KLHL29: variants seen among roughly 807,000 people sequenced by gnomAD.
The protein encoded by KLHL29 is kelch-like protein 29.
A neutral mutation model predicts 80.4 loss-of-function variants in KLHL29; 21 were observed. The ratio of observed to expected loss-of-function variants is 0.26; its 90% confidence interval spans 0.19 to 0.38. The LOEUF (loss-of-function observed/expected upper bound fraction) is 0.38. KLHL29 is among the 10% of genes least tolerant of loss of function. KLHL29 has a pLI of 1.00. For missense variants in KLHL29, 867 were observed against 1,223.9 expected (o/e 0.71, Z 4.35); for synonymous variants, 511 against 526.8 (o/e 0.97, Z 0.41).
chr2:23,390,952 T>A (rs1285930923), intron 1 of KLHL29, among the ~76,000 whole-genome samples: 1 of 152,188 alleles, frequency 6.6e-6, no homozygotes, highest in East Asian at 1.9e-4. Flanking sequence ...CCTTTACCAT[T>A]TTTAACTGTG....
At chr2:23,679,115 G>A (rs1457936771) in intron 5 of KLHL29, among the ~76,000 whole-genome samples, 1 of 151,786 alleles carries the variant, frequency 6.6e-6, no homozygotes, top group Non-Finnish European at 1.5e-5. Context: ...CACAGGGAAA[G>A]TTCCCTGAGC....
intron 1 of KLHL29, among the ~76,000 whole-genome samples, chr2:23,420,907 C>T (rs1376700922): frequency 6.6e-6 from 1 of 152,186 alleles, no homozygotes; most frequent in African/African-American, 2.4e-5. Context: ...ATCAATCTCA[C>T]ACCCTCCCAG....
chr2:23,559,985 C>T (rs1667408065), intron 2 of KLHL29, among the ~76,000 whole-genome samples: 1 of 152,236 alleles, frequency 6.6e-6, no homozygotes, highest in South Asian at 2.1e-4. Flanking sequence ...TTCCGGAAAG[C>T]AAGGAAGATC....
At chr2:23,535,788 G>A (rs887846876) in intron 2 of KLHL29, among the ~76,000 whole-genome samples, 18 of 152,210 alleles carry the variant, frequency 1.2e-4, no homozygotes, top group Admixed American at 7.9e-4. Context: ...TTAGTGGGCA[G>A]AGTTTCAGTT....
chr2:23,571,859 AAAAG>A lies in KLHL29; in HGVS notation c.285+9382_285+9385del, dbSNP rs1667724006. Among the ~76,000 whole-genome samples, 7 of 152,278 alleles carry A rather than the reference AAAAG, an allele frequency of 4.6e-5. 1 individual carries two copies. In the East Asian group the frequency reaches 1.3e-3, roughly 29 times the overall value. ...GCCAATACATTTTCTAGTTGTGTGA[AAAAG>A]AAATAAAAAACAACCGCCTCCATTG... is the stretch of plus-strand genomic sequence containing the variant. On this transcript the variant is annotated intron_variant, in intron 3 of 13. Transcript: ENST00000486442.
chr2:23,473,534 A>C (rs925437566), intron 1 of KLHL29, among the ~76,000 whole-genome samples: 1 of 152,130 alleles, frequency 6.6e-6, no homozygotes, highest in Non-Finnish European at 1.5e-5. Context: ...GGTAGGGACC[A>C]CAGAGATGGA....
intron 1 of KLHL29, among the ~76,000 whole-genome samples, chr2:23,459,946 T>C (rs1664165391): frequency 6.6e-6 from 1 of 152,058 alleles, no homozygotes; most frequent in African/African-American, 2.4e-5. Flanking sequence ...TTTCCAGAAG[T>C]TTCACCATGA....
At chr2:23,630,342 A>C (rs1391827260) in intron 3 of KLHL29, among the ~76,000 whole-genome samples, 5 of 152,280 alleles carry the variant, frequency 3.3e-5, no homozygotes, top group Admixed American at 3.3e-4. Flanking sequence ...GAGTCCATTT[A>C]TGGGTCTACT....
intron 3 of KLHL29, among the ~76,000 whole-genome samples, chr2:23,603,727 G>A (rs1668632237): frequency 6.6e-6 from 1 of 152,234 alleles, no homozygotes; most frequent in Admixed American, 6.5e-5. Context: ...CCAGCATTGT[G>A]TCCAGCCCTG....
Position 23,670,046 on chromosome 2 carries a change from C to T in KLHL29, c.941-14353C>T, listed in dbSNP as rs549641700. 2.8e-4 allele frequency: 43 copies of T among 152,240 alleles called. 1 individual carries two copies. The highest frequency in any genetic ancestry group is 9.4e-4 in the African/African-American group (39 of 41,540). 9.4% of individuals were successfully genotyped at this position (152,240 alleles called of 1,614,324 possible). ...GAGCCAGAAGGCCCCAGAGCATGGGCCGTGTGCCCAGTTAGGCCTCTCCTT... is the reference window on the plus strand; with the variant it reads ...GAGCCAGAAGGCCCCAGAGCATGGGTCGTGTGCCCAGTTAGGCCTCTCCTT... On this transcript the variant is annotated intron_variant, in intron 5 of 13. Coordinates refer to ENST00000486442, the MANE Select transcript of KLHL29 (RefSeq NM_052920.2).
intron 2 of KLHL29, among the ~76,000 whole-genome samples, chr2:23,550,816 A>G (rs532073845): frequency 3.3e-5 from 5 of 152,244 alleles, no homozygotes; most frequent in Non-Finnish European, 7.3e-5. Context: ...AGCTTGGGCC[A>G]CTGATGAACA....
intron 5 of KLHL29, among the ~76,000 whole-genome samples, chr2:23,683,188 A>G (rs949103919): frequency 6.6e-6 from 1 of 152,232 alleles, no homozygotes; most frequent in African/African-American, 2.4e-5. Context: ...TGTGGACAGC[A>G]ACAACCAATG....
intron 2 of KLHL29, among the ~76,000 whole-genome samples, chr2:23,536,918 A>ACACACACACACACACTCT (rs143009876): frequency 7.1e-5 from 10 of 140,650 alleles, no homozygotes; most frequent in African/African-American, 2.4e-4. Flanking sequence ...ACACACACAC[A>ACACACACACACACACTCT]CTCTCTCTCT....
chr2:23,468,568 A>C (rs2103433331), intron 1 of KLHL29, among the ~76,000 whole-genome samples: 1 of 152,264 alleles, frequency 6.6e-6, no homozygotes, highest in Middle Eastern at 3.4e-3. Flanking sequence ...GAGCATCAGC[A>C]GCTATATCTG....
intron 3 of KLHL29, among the ~76,000 whole-genome samples, 182 bp from the exon 4 acceptor site, chr2:23,638,957 C>A (rs1308441891): frequency 6.6e-6 from 1 of 152,184 alleles, no homozygotes; most frequent in African/African-American, 2.4e-5. Context: ...ATGGCAGAAC[C>A]CCCTGCAATT....
chr2:23,670,790 G>A (rs762001960), intron 5 of KLHL29, among the ~76,000 whole-genome samples: 4 of 151,956 alleles, frequency 2.6e-5, no homozygotes, highest in African/African-American at 4.8e-5. Flanking sequence ...ACCCGGGCCA[G>A]GTTGGGCAGG....
chr2:23,652,901 C>T (rs1192497362), intron 5 of KLHL29, among the ~76,000 whole-genome samples: 2 of 152,176 alleles, frequency 1.3e-5, no homozygotes, highest in Non-Finnish European at 2.9e-5. Flanking sequence ...TAGACACCCC[C>T]AGCCCCACCT....
chr2:23,661,312 A>T (rs943291513), intron 5 of KLHL29, among the ~76,000 whole-genome samples: 3 of 149,536 alleles, frequency 2.0e-5, no homozygotes, highest in Non-Finnish European at 4.4e-5. Flanking sequence ...ACTGCACTCC[A>T]GTCTGGGTGA....
At chr2:23,698,948 T>C (rs1284921961) in intron 11 of KLHL29, among the ~76,000 whole-genome samples, 5 of 152,250 alleles carry the variant, frequency 3.3e-5, no homozygotes, top group African/African-American at 9.6e-5. Context: ...CCCAGCTCCT[T>C]CTGCAGGAGC....
Sources: allele counts gnomAD v4.1 joint callset (sites outside exome capture counted in the v4.1 genomes callset), GRCh38; gene constraint gnomAD v4.1.1; transcripts MANE v1.5; gene names NCBI Gene and HGNC (gene_info 2026-07-23, HGNC 2026-07-21).